The following NRXN1 variants were observed in gnomAD, a reference collection of about 807,000 sequenced individuals.
NRXN1 encodes the protein neurexin-1.
Under a neutral mutation model 150.9 loss-of-function variants are expected in NRXN1, and 39 were observed. The observed-to-expected ratio is 0.26, with a 90% CI of 0.20 to 0.34. The LOEUF is 0.34. Among genes scored for constraint, NRXN1 ranks in the 10% least tolerant of loss-of-function variants. NRXN1 has a pLI of 1.00. For synonymous variants in NRXN1, 924 were observed against 757.0 expected (o/e 1.22, Z -3.62); for missense variants, 1,815 against 1,949.9 (o/e 0.93, Z 1.30).
At chr2:50,971,226 T>G (rs1694940504) in intron 2 of NRXN1, among the ~76,000 whole-genome samples, 1 of 152,142 alleles carries the variant, frequency 6.6e-6, no homozygotes, top group Non-Finnish European at 1.5e-5. Flanking sequence ...GCAGAATTAG[T>G]AACATAAACA....
rs1286306062 is a variant in NRXN1, at chr2:50,563,016, TAATA to T, written c.1321-9995_1321-9992del. ...ACGTTTTTTCCTTATGAAGATCCGT[TAATA>T]AATTACCAAAAGATATAATCAGTTT... On this transcript the variant is annotated intron_variant, in intron 8 of 22. Transcript: ENST00000401669. 2.0e-5 allele frequency among the ~76,000 whole-genome samples: 3 copies of T among 152,256 alleles called. No homozygotes were observed. The South Asian group carries it at 6.2e-4, about 32-fold the overall frequency.
intron 17 of NRXN1, among the ~76,000 whole-genome samples, chr2:50,361,420 A>G (rs1290670414): frequency 6.6e-6 from 1 of 152,160 alleles, no homozygotes; most frequent in Non-Finnish European, 1.5e-5. Context: ...TAAAAAAATG[A>G]TAAAGGGGAT....
At chr2:50,750,075 T>G (rs932931741) in intron 5 of NRXN1, among the ~76,000 whole-genome samples, 2 of 152,022 alleles carry the variant, frequency 1.3e-5, no homozygotes, top group South Asian at 4.1e-4. Context: ...GCATAGACAT[T>G]GGGATGGGAG....
chr2:50,067,768 G>C (rs1695581961), intron 19 of NRXN1, among the ~76,000 whole-genome samples: 1 of 152,134 alleles, frequency 6.6e-6, no homozygotes, highest in Non-Finnish European at 1.5e-5. Context: ...CTTACAAATG[G>C]CATTTTGCCA....
chr2:50,299,830 A>G (rs1022104149), intron 17 of NRXN1, among the ~76,000 whole-genome samples: 1 of 152,202 alleles, frequency 6.6e-6, no homozygotes, highest in African/African-American at 2.4e-5. Context: ...CAAACAGTCT[A>G]TAATCCATTA....
At chr2:50,854,543 T>C (rs1674985927) in intron 5 of NRXN1, among the ~76,000 whole-genome samples, 1 of 152,122 alleles carries the variant, frequency 6.6e-6, no homozygotes, top group Admixed American at 6.6e-5. Context: ...AATCACACTT[T>C]GTTTGAAAGA....
chr2:50,224,448 C>A (rs1298732359), intron 18 of NRXN1, among the ~76,000 whole-genome samples: 2 of 151,906 alleles, frequency 1.3e-5, no homozygotes, highest in Non-Finnish European at 2.9e-5. Flanking sequence ...AATCAGTACA[C>A]TCTAAAGAGT....
intron 5 of NRXN1, among the ~76,000 whole-genome samples, chr2:50,630,266 G>C (rs1573881205): frequency 6.6e-6 from 1 of 151,552 alleles, no homozygotes; most frequent in Non-Finnish European, 1.5e-5. Flanking sequence ...TGTTGTAGAA[G>C]GTGTTCAATC....
chr2:50,497,264 T>C, intron 14 of NRXN1, 69 bp downstream of exon 14: 1 of 1,252,818 alleles, frequency 8.0e-7, no homozygotes, highest in Non-Finnish European at 1.1e-6. Flanking sequence ...TCTTAGTGTA[T>C]ATTTTTGGAA....
chr2:50,210,654 C>T (rs1263255149), intron 18 of NRXN1, among the ~76,000 whole-genome samples: 2 of 151,586 alleles, frequency 1.3e-5, no homozygotes, highest in Non-Finnish European at 3.0e-5. Context: ...ATAACATTCC[C>T]TTTCAGCCAA....
At chr2:49,922,546 G>C (rs1668405181) in intron 22 of NRXN1, among the ~76,000 whole-genome samples, 1 of 151,890 alleles carries the variant, frequency 6.6e-6, no homozygotes, top group Non-Finnish European at 1.5e-5. Flanking sequence ...GGGCCATGTG[G>C]GTGACTTAAG....
intron 17 of NRXN1, among the ~76,000 whole-genome samples, chr2:50,268,417 G>A (rs2069151273): frequency 6.6e-6 from 1 of 152,138 alleles, no homozygotes; most frequent in Admixed American, 6.5e-5. Context: ...GACCTGGGGA[G>A]CACATACTGA....
intron 21 of NRXN1, among the ~76,000 whole-genome samples, chr2:49,977,213 A>T (rs1679141885): frequency 6.6e-6 from 1 of 152,176 alleles, no homozygotes; most frequent in Admixed American, 6.5e-5. Context: ...GAATAATTTA[A>T]GGGTTTTGGG....
rs566442469 is a variant in NRXN1 at position 50,111,053 on chromosome 2, C to T, written c.3547-19559G>A. Among the ~76,000 whole-genome samples the T allele has an allele frequency of 8.5e-5, 13 of 152,094 alleles. No homozygotes were observed. In the South Asian group the frequency reaches 2.5e-3, roughly 29 times the overall value. On this transcript the variant is annotated intron_variant, in intron 18 of 22. Coordinates refer to ENST00000401669, the MANE Select transcript of NRXN1 (RefSeq NM_001330078.2). Reference sequence around the variant, plus strand: ...GGTGCAAATGGGTTCATTTTGGAGACGATAAACAGGAAATTTTAAGATTTC... The same window carrying T: ...GGTGCAAATGGGTTCATTTTGGAGATGATAAACAGGAAATTTTAAGATTTC...
At chr2:50,065,447 T>A (rs2152655059) in intron 19 of NRXN1, among the ~76,000 whole-genome samples, 1 of 152,294 alleles carries the variant, frequency 6.6e-6, no homozygotes, top group East Asian at 1.9e-4. Context: ...TTGTATAATG[T>A]AAGATGTCAT....
intron 17 of NRXN1, among the ~76,000 whole-genome samples, chr2:50,419,833 T>G (rs919174311): frequency 6.6e-6 from 1 of 152,050 alleles, no homozygotes. Flanking sequence ...ATTTTACACT[T>G]AAATAGACAC....
chr2:50,256,302 C>G (rs2067694428), intron 17 of NRXN1, among the ~76,000 whole-genome samples: 1 of 152,100 alleles, frequency 6.6e-6, no homozygotes, highest in South Asian at 2.1e-4. Flanking sequence ...ACCCATTAAA[C>G]ATATTTAGCA....
chr2:50,842,962 C>A (rs772058195), intron 5 of NRXN1, among the ~76,000 whole-genome samples: 3 of 152,138 alleles, frequency 2.0e-5, no homozygotes, highest in Non-Finnish European at 2.9e-5. Flanking sequence ...ATGCTTATTC[C>A]TATCCCCTCG....
intron 17 of NRXN1, among the ~76,000 whole-genome samples, chr2:50,388,797 GA>G (rs2081493392): frequency 6.6e-6 from 1 of 151,716 alleles, no homozygotes; most frequent in South Asian, 2.1e-4. Context: ...CCATTTCTTT[GA>G]CACCCTTTTA....
Sources: gnomAD v4.1 joint callset for allele counts (sites outside exome capture counted in the v4.1 genomes callset) on GRCh38, gnomAD v4.1.1 for gene constraint, MANE v1.5 for transcripts, NCBI Gene and HGNC (gene_info 2026-07-23, HGNC 2026-07-21) for gene names.